Variants in CFAP53 observed in about 807,000 individuals in gnomAD.
The protein encoded by CFAP53 is cilia- and flagella-associated protein 53.
CFAP53 carries 62 observed loss-of-function variants against 59.7 expected under a neutral mutation model. That is an observed-to-expected ratio of 1.04 (90% CI 0.85 to 1.28). The LOEUF (loss-of-function observed/expected upper bound fraction) is 1.28, where lower values mean the gene tolerates loss of function less well. Ranked by LOEUF, CFAP53 falls within the 50% of genes most tolerant of loss-of-function variation. The pLI is 0.00. For missense variants in CFAP53, 629 were observed against 615.6 expected (o/e 1.02, Z -0.23); for synonymous variants, 218 against 205.7 (o/e 1.06, Z -0.51).
intron 1 of CFAP53, among the ~76,000 whole-genome samples, chr18:50,265,414 T>C (rs2033940251): frequency 6.6e-6 from 1 of 152,180 alleles, no homozygotes; most frequent in African/African-American, 2.4e-5. Flanking sequence ...GCATTATGTA[T>C]ATGCAAGTAT....
intron 6 of CFAP53, 74 bp downstream of exon 6, chr18:50,242,826 G>A: frequency 8.4e-7 from 1 of 1,193,062 alleles, no homozygotes; most frequent in Non-Finnish European, 1.2e-6. Context: ...AAGTATTATG[G>A]TTGTTAGTAT....
intron 5 of CFAP53, among the ~76,000 whole-genome samples, chr18:50,247,545 T>C (rs1459082249): frequency 6.6e-6 from 1 of 152,134 alleles, no homozygotes; most frequent in Non-Finnish European, 1.5e-5. Flanking sequence ...AGCCAAAAAG[T>C]GGAAATAACC....
intron 5 of CFAP53, among the ~76,000 whole-genome samples, chr18:50,243,951 CAA>C (rs759224070): frequency 4.3e-5 from 5 of 115,042 alleles, no homozygotes; most frequent in Admixed American, 9.3e-5. Context: ...GACTCCGTTT[CAA>C]AAAAAAAAAA....
intron 1 of CFAP53, among the ~76,000 whole-genome samples, chr18:50,262,832 G>A (rs1361106327): frequency 2.6e-5 from 4 of 152,100 alleles, no homozygotes; most frequent in African/African-American, 9.7e-5. Flanking sequence ...AATGAAGTGA[G>A]GGAGGAAGAG....
intron 7 of CFAP53, among the ~76,000 whole-genome samples, chr18:50,234,838 T>A (rs975257871): frequency 3.3e-5 from 5 of 152,228 alleles, no homozygotes; most frequent in African/African-American, 1.2e-4. Flanking sequence ...GATGATCTCA[T>A]TATAGAGAGG....
At chr18:50,265,553 A>G (rs2033945728) in intron 1 of CFAP53, among the ~76,000 whole-genome samples, 2 of 152,246 alleles carry the variant, frequency 1.3e-5, no homozygotes, top group African/African-American at 4.8e-5. Flanking sequence ...TTAACCTTCC[A>G]GGATCATTGT....
chr18:50,252,442 C>T (rs543209950), intron 3 of CFAP53, among the ~76,000 whole-genome samples: 2 of 152,104 alleles, frequency 1.3e-5, no homozygotes, highest in African/African-American at 2.4e-5. Flanking sequence ...CTCACTCTGT[C>T]GCTCAGGCTG....
chr18:50,252,261 G>A (rs917495183), intron 3 of CFAP53, among the ~76,000 whole-genome samples: 2 of 151,774 alleles, frequency 1.3e-5, no homozygotes, highest in African/African-American at 2.4e-5. Flanking sequence ...CCACCACCAC[G>A]CCTGGCTAAT....
rs1346949926 is a variant in CFAP53, at chr18:50,238,705, A to C, written c.1214T>G (p.Leu405Trp). 2 of 1,607,824 alleles carry C rather than the reference A, an allele frequency of 1.2e-6. No homozygotes were observed. Among genetic ancestry groups the C allele is most frequent in the Non-Finnish European group, 1.7e-6 (2 of 1,176,860 alleles). The part of the protein sequence containing the change: ...CTRKLQVQEK[L>W]QREAKEQEER... ...TTCCTGTTCTTTAGCTTCTCGTTGCACTAAGAAAAGCAAAAGTAATTATAT... is the reference window on the plus strand; with the variant it reads ...TTCCTGTTCTTTAGCTTCTCGTTGCCCTAAGAAAAGCAAAAGTAATTATAT... Residue 405 changes from leucine (L) to tryptophan (W), a missense_variant and splice_region_variant, in exon 7 of 8, where the codon TTG becomes TGG. Transcript: ENST00000398545.
At chr18:50,227,670 A>G in intron 7 of CFAP53, 61 bp from the exon 8 acceptor site, 3 of 1,209,952 alleles carry the variant, frequency 2.5e-6, no homozygotes, top group South Asian at 1.3e-5. Flanking sequence ...ATTTATTCAG[A>G]GCATTACAAT....
At chr18:50,247,094 C>T (rs1045065655) in intron 5 of CFAP53, among the ~76,000 whole-genome samples, 1 of 150,568 alleles carries the variant, frequency 6.6e-6, no homozygotes, top group Non-Finnish European at 1.5e-5. Context: ...ACCAATAACC[C>T]AACTAAAATA....
At chr18:50,239,197 G>A (rs891113241) in intron 6 of CFAP53, among the ~76,000 whole-genome samples, 9 of 151,580 alleles carry the variant, frequency 5.9e-5, no homozygotes, top group African/African-American at 1.9e-4. Context: ...AGACCAGCCC[G>A]GCCAACATGG....
intron 3 of CFAP53, among the ~76,000 whole-genome samples, chr18:50,255,289 G>A (rs2033836913): frequency 6.6e-6 from 1 of 152,160 alleles, no homozygotes; most frequent in Non-Finnish European, 1.5e-5. Flanking sequence ...AATGATGGGG[G>A]TGAGAGTAGT....
chr18:50,242,933 T>C lies in CFAP53; in HGVS notation c.1180A>G (p.Met394Val), dbSNP rs773081617. ...EARRQLVDEV[M>V]CTRKLQVQEK... Reference sequence around the variant, plus strand: ...TGAACTTGAAGTTTTCTTGTACACATGACCTCATCCACAAGCTGTCTCCTT... The same window carrying C: ...TGAACTTGAAGTTTTCTTGTACACACGACCTCATCCACAAGCTGTCTCCTT... The change falls in exon 6 of 8, where the codon ATG (methionine) becomes GTG (valine). Residue 394 changes from methionine to valine, a missense_variant. By Grantham distance (21) the Met-to-Val change is conservative (BLOSUM62 1). Coordinates refer to ENST00000398545, the MANE Select transcript of CFAP53 (RefSeq NM_145020.5). 3.7e-6 allele frequency: 6 copies of C among 1,613,742 alleles called. No individual in the cohort carries two copies. The East Asian group carries it at 6.7e-5, about 18-fold the overall frequency.
chr18:50,230,825 A>G (rs1286666868), intron 7 of CFAP53, among the ~76,000 whole-genome samples: 1 of 152,222 alleles, frequency 6.6e-6, no homozygotes, highest in Non-Finnish European at 1.5e-5. Context: ...ATCAACTTTT[A>G]TCAGAAATAA....
chr18:50,260,018 T>A (rs2033876814), intron 3 of CFAP53, among the ~76,000 whole-genome samples: 1 of 152,230 alleles, frequency 6.6e-6, no homozygotes, highest in Non-Finnish European at 1.5e-5. Context: ...GTAAGGAATG[T>A]CTTGGTTTGT....
intron 7 of CFAP53, among the ~76,000 whole-genome samples, chr18:50,233,879 AAC>A (rs2033605929): frequency 6.6e-6 from 1 of 152,166 alleles, no homozygotes; most frequent in Non-Finnish European, 1.5e-5. Flanking sequence ...ACACACCAAA[AAC>A]ACAGGTTTAG....
At chr18:50,239,092 T>C (rs1305321554) in intron 6 of CFAP53, among the ~76,000 whole-genome samples, 1 of 149,424 alleles carries the variant, frequency 6.7e-6, no homozygotes. Context: ...ATTATTTAAA[T>C]ATATAAAGCT....
At chr18:50,237,782 T>A (rs1053851896) in intron 7 of CFAP53, among the ~76,000 whole-genome samples, 1 of 152,098 alleles carries the variant, frequency 6.6e-6, no homozygotes, top group Non-Finnish European at 1.5e-5. Context: ...CACTAACCAA[T>A]CCCCAGCCTA....
Sources: gnomAD v4.1 joint callset for allele counts (sites outside exome capture counted in the v4.1 genomes callset) on GRCh38, gnomAD v4.1.1 for gene constraint, MANE v1.5 for transcripts, NCBI Gene and HGNC (gene_info 2026-07-23, HGNC 2026-07-21) for gene names.